The following BNIP2 variants were observed in gnomAD, a reference collection of about 807,000 sequenced individuals.
The protein encoded by BNIP2 is BCL2 interacting protein 2, also known as BCL2/adenovirus E1B 19 kDa protein-interacting protein 2.
In BNIP2, 36 loss-of-function variants were observed where a neutral mutation model predicts 43.4. The ratio of observed to expected loss-of-function variants is 0.83; its 90% CI spans 0.64 to 1.10. The LOEUF (loss-of-function observed/expected upper bound fraction) is 1.10, where lower values mean the gene tolerates loss of function less well. BNIP2 is among the 50% of genes least tolerant of loss of function. The pLI is 0.00. For synonymous variants in BNIP2, 146 were observed against 121.0 expected, an observed-to-expected ratio of 1.21 and a Z score of -1.35; for missense variants, 417 against 374.1, an observed-to-expected ratio of 1.11 and a Z score of -0.95.
intron 1 of BNIP2, chr15:59,688,801 A>C: frequency 2.0e-6 from 3 of 1,534,890 alleles, no homozygotes; most frequent in Non-Finnish European, 2.6e-6. Flanking sequence ...ATCGTAGCCC[A>C]GCCACTTCAC....
chr15:59,677,286 C>T (rs1211926378), intron 5 of BNIP2: 1 of 1,587,980 alleles, frequency 6.3e-7, no homozygotes, highest in Non-Finnish European at 8.6e-7. Flanking sequence ...CCAGGGGATC[C>T]TGGCACACCA....
At position 59,670,507 on chromosome 15, in the gene BNIP2, A is replaced by G. The variant is rs6151554; in HGVS notation, c.707+676T>C. ...CAAAACTCAATGTAATGAAATAGGAAACATACTACATTCTCCATCCTTTGC... is the reference window on the plus strand; with the variant it reads ...CAAAACTCAATGTAATGAAATAGGAGACATACTACATTCTCCATCCTTTGC... On this transcript the variant is annotated intron_variant, in intron 7 of 9. Coordinates refer to ENST00000607373, the MANE Select transcript of BNIP2 (RefSeq NM_004330.4). Among the ~76,000 whole-genome samples, 481 of 152,350 alleles carry G rather than the reference A, an allele frequency of 3.2e-3. 2 individuals are homozygous for G. Among genetic ancestry groups the G allele is most frequent in the Non-Finnish European group, 4.9e-3 (336 of 68,036 alleles).
intron 4 of BNIP2, chr15:59,678,496 T>C: frequency 9.3e-7 from 1 of 1,070,172 alleles, no homozygotes; most frequent in Non-Finnish European, 1.1e-6. Context: ...TTGTTGTTGT[T>C]GAGCACATAA....
intron 7 of BNIP2, among the ~76,000 whole-genome samples, chr15:59,670,199 G>A (rs1892811975): frequency 6.6e-6 from 1 of 152,232 alleles, no homozygotes. Flanking sequence ...GGAGGCTGAG[G>A]CAGGTGGATC....
At chr15:59,677,473 G>A (rs1053850952) in intron 5 of BNIP2, among the ~76,000 whole-genome samples, 1 of 152,160 alleles carries the variant, frequency 6.6e-6, no homozygotes, top group Non-Finnish European at 1.5e-5. Flanking sequence ...GCAGGTGACT[G>A]GAAATCTAAC....
chr15:59,669,266 C>A lies in BNIP2; in HGVS notation c.794+10G>T. 6.6e-7 allele frequency: 1 copy of A among 1,525,738 alleles called. No homozygotes were observed. The highest frequency in any genetic ancestry group is 1.3e-5 in the South Asian group (1 of 76,078). The allele number at this position is 1,525,738 out of a possible 1,614,324, so 94.5% of individuals were successfully genotyped here. ...AAATAAAATTAAAGTCAATGGCTCTCAAAAATTACCTAATAAATGGTCTTG... is the reference window on the plus strand; with the variant it reads ...AAATAAAATTAAAGTCAATGGCTCTAAAAAATTACCTAATAAATGGTCTTG... On this transcript the variant is annotated intron_variant, in intron 8 of 9. Transcript: ENST00000607373.
chr15:59,664,603 G>A (rs1178059766), intron 9 of BNIP2, among the ~76,000 whole-genome samples: 2 of 151,802 alleles, frequency 1.3e-5, no homozygotes, highest in Admixed American at 6.6e-5. Context: ...GGATGGTCTC[G>A]ATCTCCTGAC....
chr15:59,682,326 CA>C (rs745470499), intron 2 of BNIP2, 81 bp downstream of exon 2: 118,416 of 978,958 alleles, frequency 0.12, no homozygotes, highest in South Asian at 0.16. Flanking sequence ...GACTCCGTCT[CA>C]AAAAAAAAAA....
intron 2 of BNIP2, among the ~76,000 whole-genome samples, chr15:59,681,364 C>T (rs17236804): frequency 0.27 from 40,197 of 151,304 alleles, 5,617 homozygotes; most frequent in East Asian, 0.54. Flanking sequence ...GCAAACATGT[C>T]AAGGTGGCTG....
chr15:59,688,088 G>C (rs1894133884), intron 1 of BNIP2, among the ~76,000 whole-genome samples: 1 of 152,298 alleles, frequency 6.6e-6, no homozygotes, highest in African/African-American at 2.4e-5. Flanking sequence ...AAGTGGATCT[G>C]TCATACTTCC....
At chr15:59,675,189 C>T (rs960572619) in intron 5 of BNIP2, among the ~76,000 whole-genome samples, 2 of 148,252 alleles carry the variant, frequency 1.3e-5, no homozygotes, top group Non-Finnish European at 3.0e-5. Flanking sequence ...GCAGAGGTTG[C>T]AGTGAGCCGA....
rs1893432565 is a variant in BNIP2, at chr15:59,678,198, G to A, written c.296-111C>T. 3.5e-6 allele frequency: 5 copies of A among 1,423,078 alleles called. No homozygotes were observed. The Admixed American group carries it at 8.9e-5, about 25-fold the overall frequency. The allele number at this position is 1,423,078 out of a possible 1,614,324, so 88.2% of individuals were successfully genotyped here. On this transcript the variant is annotated intron_variant, in intron 4 of 9. Transcript: ENST00000607373. ...ACAGAGAATTTTCATTATACCATCTGCACAATTTTCAATCTCTCTTCCATA... is the reference window on the plus strand; with the variant it reads ...ACAGAGAATTTTCATTATACCATCTACACAATTTTCAATCTCTCTTCCATA...
chr15:59,676,725 C>T (rs534070218), intron 5 of BNIP2: 25 of 1,111,150 alleles, frequency 2.2e-5, no homozygotes, highest in East Asian at 5.2e-5. Context: ...GAGTGCCGCG[C>T]GGTGCGGTGC....
Position 59,662,234 on chromosome 15 carries a change from A to C in BNIP2, c.*1835T>G, listed in dbSNP as rs1359064806. 1 of 152,258 alleles carries C rather than the reference A, an allele frequency of 6.6e-6. No individual in the cohort carries two copies. Among genetic ancestry groups the C allele is most frequent in the Admixed American group, 6.5e-5 (1 of 15,288 alleles). The allele number at this position is 152,258 out of a possible 1,614,324, so 9.4% of individuals were successfully genotyped here. A position where few individuals can be genotyped will look rare whatever the true frequency, so the allele number is the denominator to read the frequency against. On this transcript the variant is annotated 3_prime_UTR_variant, in exon 10 of 10. Transcript: ENST00000607373. The stretch of plus-strand genomic sequence containing the variant: ...GATGTACAGATGAAAGACTACGTTA[A>C]ATCGTCTACAAATATAGAATCTAAT...
chr15:59,667,402 C>T (rs187481681), intron 9 of BNIP2, among the ~76,000 whole-genome samples: 21 of 152,288 alleles, frequency 1.4e-4, no homozygotes, highest in African/African-American at 3.6e-4. Context: ...CTAAATTCTA[C>T]GTTTTTCTAA....
rs577341589 is a variant in BNIP2, at chr15:59,676,054, A to G, written c.472+1857T>C. On this transcript the variant is annotated intron_variant, in intron 5 of 9. Coordinates refer to ENST00000607373, the MANE Select transcript of BNIP2 (RefSeq NM_004330.4). ...TATATATATGGGTATATATGGTTAT[A>G]TAGGCATTTGTCAAAACTCATTGAA... Among the ~76,000 whole-genome samples, 5 of 152,316 alleles carry G rather than the reference A, an allele frequency of 3.3e-5. No individual in the cohort carries two copies. In the South Asian group the frequency reaches 1.0e-3, roughly 32 times the overall value.
chr15:59,674,766 A>G (rs1255379855), intron 5 of BNIP2, among the ~76,000 whole-genome samples: 1 of 152,220 alleles, frequency 6.6e-6, no homozygotes, highest in African/African-American at 2.4e-5. Context: ...CTAACATTCT[A>G]GCACTATTTA....
Position 59,680,242 on chromosome 15 carries a change from A to G in BNIP2, c.117T>C (p.Pro39=). ...TGAAAGTAAGTGTCAAGCTCTTACCAGGCTGGTCCTCTGGTCCAGTTATAG... is the reference window on the plus strand; with the variant it reads ...TGAAAGTAAGTGTCAAGCTCTTACCGGGCTGGTCCTCTGGTCCAGTTATAG... ...ILAITGPEDQ[P]GSLEVNGNKV... The change falls in exon 3 of 10, where the codon CCT becomes CCC. Residue 39 remains proline (P), a splice_region_variant and synonymous_variant. Coordinates refer to ENST00000607373, the MANE Select transcript of BNIP2 (RefSeq NM_004330.4). The G allele has an allele frequency of 6.3e-7, 1 of 1,587,476 alleles. No homozygotes were observed. Among genetic ancestry groups the G allele is most frequent in the Non-Finnish European group, 8.6e-7 (1 of 1,164,500 alleles).
rs758940282 is a variant in BNIP2, at chr15:59,679,686, G to C, written c.201C>G (p.Gly67=). 6.2e-7 allele frequency: 1 copy of C among 1,610,164 alleles called. No individual in the cohort carries two copies. Among genetic ancestry groups the C allele is most frequent in the South Asian group, 1.1e-5 (1 of 90,486 alleles). ...DISLTLDPSD[G]SVLSDDLDES... Reference sequence around the variant, plus strand: ...CATCCAAATCATCTGACAATACAGAGCCATCACTAGGATCCAGTGTCAGGC... The same window carrying C: ...CATCCAAATCATCTGACAATACAGACCCATCACTAGGATCCAGTGTCAGGC... Residue 67 remains glycine (G), a synonymous_variant, in exon 4 of 10, where the codon GGC becomes GGG. Coordinates refer to ENST00000607373, the MANE Select transcript of BNIP2 (RefSeq NM_004330.4).
Sources: gnomAD v4.1 joint callset for allele counts (sites outside exome capture counted in the v4.1 genomes callset) on GRCh38, gnomAD v4.1.1 for gene constraint, MANE v1.5 for transcripts, NCBI Gene and HGNC (gene_info 2026-07-23, HGNC 2026-07-21) for gene names.